BSPH1: variants seen among roughly 807,000 people sequenced by gnomAD.
BSPH1 encodes binder of sperm 1.
A neutral mutation model predicts 22.5 loss-of-function variants in BSPH1; 21 were observed. The ratio of observed to expected loss-of-function variants is 0.93; its 90% CI spans 0.66 to 1.35. BSPH1 has a LOEUF of 1.35. BSPH1 is among the 40% of genes most tolerant of loss of function. BSPH1 has a pLI of 0.00. For missense variants in BSPH1, 141 were observed against 154.2 expected (o/e 0.91, Z 0.45); for synonymous variants, 42 against 53.6 (o/e 0.78, Z 0.95).
chr19:47,990,678 ATTC>A (rs1969515050), intron 1 of BSPH1, among the ~76,000 whole-genome samples: 1 of 152,056 alleles, frequency 6.6e-6, no homozygotes, highest in Admixed American at 6.6e-5. Flanking sequence ...CTGCAAGATC[ATTC>A]TTCTTGGTCA....
intron 5 of BSPH1, among the ~76,000 whole-genome samples, chr19:47,972,220 C>T (rs1969316608): frequency 6.6e-6 from 1 of 151,618 alleles, no homozygotes; most frequent in Non-Finnish European, 1.5e-5. Flanking sequence ...AAAGTCTTAC[C>T]TCATTGAGGT....
intron 1 of BSPH1, among the ~76,000 whole-genome samples, chr19:47,987,191 A>T (rs1969478981): frequency 6.6e-6 from 1 of 152,172 alleles, no homozygotes; most frequent in African/African-American, 2.4e-5. Context: ...ATGCAACCCC[A>T]GACAGTGAGG....
chr19:47,989,108 G>GTTT (rs200248187), intron 1 of BSPH1, among the ~76,000 whole-genome samples: 6,236 of 122,354 alleles, frequency 0.051, 208 homozygotes, highest in Non-Finnish European at 0.069. Context: ...TCAAGTCACC[G>GTTT]TTTTATTATT....
At chr19:47,986,282 C>A (rs7507536) in intron 1 of BSPH1, among the ~76,000 whole-genome samples, 78 of 152,122 alleles carry the variant, frequency 5.1e-4, no homozygotes, top group African/African-American at 1.6e-3. Context: ...ACAAAACTTA[C>A]GAATCTAGAG....
chr19:47,980,630 A>G (rs2122251839), intron 2 of BSPH1, among the ~76,000 whole-genome samples: 1 of 151,814 alleles, frequency 6.6e-6, no homozygotes, highest in East Asian at 1.9e-4. Context: ...CACCATGCCC[A>G]GTTAATTTTT....
intron 1 of BSPH1, among the ~76,000 whole-genome samples, chr19:47,986,143 A>G (rs1475388701): frequency 1.3e-5 from 2 of 152,218 alleles, no homozygotes; most frequent in African/African-American, 4.8e-5. Flanking sequence ...AGCCTGCTAC[A>G]TGGTAGTCCT....
rs75082331 is a variant in BSPH1 at position 47,988,327 on chromosome 19, C to A, written c.73+3682G>T. Among the ~76,000 whole-genome samples, 1,393 of 152,260 alleles carry A rather than the reference C, an allele frequency of 9.1e-3. 18 individuals carry two copies. The highest frequency in any genetic ancestry group is 0.031 in the African/African-American group (1,297 of 41,554). On this transcript the variant is annotated intron_variant, in intron 1 of 5. Coordinates refer to ENST00000344839, the MANE Select transcript of BSPH1 (RefSeq NM_001128326.2). Reference sequence around the variant, plus strand: ...TGTTCTGAGCGTCACGCATGCTAACCCATTTAATCTTCCAGCAACCCTGGG... The same window carrying A: ...TGTTCTGAGCGTCACGCATGCTAACACATTTAATCTTCCAGCAACCCTGGG...
At chr19:47,974,519 C>T (rs1386284845) in intron 5 of BSPH1, among the ~76,000 whole-genome samples, 1 of 152,008 alleles carries the variant, frequency 6.6e-6, no homozygotes, top group Non-Finnish European at 1.5e-5. Flanking sequence ...ATCCTCCTGC[C>T]TCAGCTTCCC....
At chr19:47,976,604 AAACCCTCTCTAATGAG>A in intron 5 of BSPH1, 90 bp downstream of exon 5, 2 of 796,626 alleles carry the variant, frequency 2.5e-6, no homozygotes, top group Admixed American at 3.3e-5. Flanking sequence ...AAACAAAAAA[AAACCCTCTCTAATGAG>A]AAAGGGTTCT....
At chr19:47,976,962 C>T (rs779660223) in intron 4 of BSPH1, 108 bp from the exon 5 acceptor site, 30 of 1,094,530 alleles carry the variant, frequency 2.7e-5, no homozygotes, top group Non-Finnish European at 3.8e-5. Context: ...TGTGCATGCA[C>T]GTGAACAAAT....
chr19:47,987,015 G>A (rs904597981), intron 1 of BSPH1, among the ~76,000 whole-genome samples: 2 of 152,164 alleles, frequency 1.3e-5, no homozygotes, highest in Non-Finnish European at 2.9e-5. Flanking sequence ...TGTCTTCCCT[G>A]TGTGTGTCTG....
intron 3 of BSPH1, among the ~76,000 whole-genome samples, chr19:47,978,097 T>C (rs1969385555): frequency 6.7e-6 from 1 of 150,172 alleles, no homozygotes; most frequent in Admixed American, 6.7e-5. Flanking sequence ...AAATGAATCA[T>C]ATTTTATACT....
intron 1 of BSPH1, among the ~76,000 whole-genome samples, chr19:47,986,460 C>A (rs771997460): frequency 3.9e-5 from 6 of 152,150 alleles, no homozygotes; most frequent in Non-Finnish European, 7.3e-5. Flanking sequence ...TTTTACTGGT[C>A]AGGCATGGTG....
chr19:47,976,441 A>C (rs1465158200), intron 5 of BSPH1, among the ~76,000 whole-genome samples: 2 of 152,066 alleles, frequency 1.3e-5, no homozygotes, highest in Admixed American at 6.5e-5. Context: ...CCATAGACTT[A>C]ATTTTTAAAA....
chr19:47,980,305 G>A (rs9973273), intron 2 of BSPH1: 77,939 of 168,200 alleles, frequency 0.46, 18,419 homozygotes, highest in African/African-American at 0.55. Flanking sequence ...AAATAGATAC[G>A]GAAAAATTTG....
chr19:47,979,848 C>G (rs142423634), intron 2 of BSPH1, among the ~76,000 whole-genome samples: 1 of 151,700 alleles, frequency 6.6e-6, no homozygotes, highest in East Asian at 1.9e-4. Flanking sequence ...TTCCAAAGTG[C>G]TTTTTTTTGG....
chr19:47,976,219 A>G (rs1349546230), intron 5 of BSPH1, among the ~76,000 whole-genome samples: 1 of 151,882 alleles, frequency 6.6e-6, no homozygotes, highest in Non-Finnish European at 1.5e-5. Flanking sequence ...TGAACTCTTG[A>G]ACTCAGGTGA....
chr19:47,984,221 AAT>A (rs541137006), intron 1 of BSPH1, among the ~76,000 whole-genome samples: 1,611 of 147,136 alleles, frequency 0.011, 15 homozygotes, highest in Non-Finnish European at 0.016. Flanking sequence ...ATAAAATATA[AAT>A]ATATATATTA....
intron 1 of BSPH1, among the ~76,000 whole-genome samples, chr19:47,989,961 A>T (rs1399974910): frequency 1.3e-5 from 2 of 152,000 alleles, no homozygotes; most frequent in African/African-American, 4.8e-5. Context: ...TCTACTAAAA[A>T]TACAAAAATT....
Sources: allele counts gnomAD v4.1 joint callset (sites outside exome capture counted in the v4.1 genomes callset), GRCh38; gene constraint gnomAD v4.1.1; transcripts MANE v1.5; gene names NCBI Gene and HGNC (gene_info 2026-07-23, HGNC 2026-07-21).